Variants in FRMD5 observed in about 807,000 individuals in gnomAD.
FRMD5 encodes FERM domain-containing protein 5.
Under a neutral mutation model 69.0 loss-of-function variants are expected in FRMD5, and 20 were observed. That is an observed-to-expected ratio of 0.29 (90% confidence interval 0.20 to 0.42). The LOEUF is 0.42. FRMD5 is among the 10% of genes least tolerant of loss of function. FRMD5 has a pLI of 1.00. For synonymous variants in FRMD5, 271 were observed against 260.1 expected (o/e 1.04, Z -0.40); for missense variants, 595 against 708.6 (o/e 0.84, Z 1.82).
intron 1 of FRMD5, among the ~76,000 whole-genome samples, chr15:43,981,378 T>C (rs1282677879): frequency 1.3e-5 from 2 of 152,154 alleles, no homozygotes; most frequent in Non-Finnish European, 2.9e-5. Flanking sequence ...TTAGTGTAAA[T>C]GGATTATCAT....
intron 1 of FRMD5, among the ~76,000 whole-genome samples, chr15:43,955,952 G>T (rs886799795): frequency 2.6e-5 from 4 of 152,042 alleles, no homozygotes; most frequent in African/African-American, 9.7e-5. Context: ...AAAACATAAG[G>T]CTAAGTAACT....
chr15:44,170,908 T>G (rs1388515616), intron 1 of FRMD5, among the ~76,000 whole-genome samples: 3 of 152,246 alleles, frequency 2.0e-5, no homozygotes, highest in Non-Finnish European at 2.9e-5. Flanking sequence ...CAGTTTATTT[T>G]AAAATACTTC....
intron 1 of FRMD5, among the ~76,000 whole-genome samples, chr15:44,073,545 A>C (rs1312093936): frequency 6.6e-6 from 1 of 152,226 alleles, no homozygotes; most frequent in Non-Finnish European, 1.5e-5. Flanking sequence ...AATGCAAAAC[A>C]TCATGGACAT....
At chr15:44,128,792 T>G (rs1203567475) in intron 1 of FRMD5, among the ~76,000 whole-genome samples, 1 of 152,032 alleles carries the variant, frequency 6.6e-6, no homozygotes, top group Non-Finnish European at 1.5e-5. Flanking sequence ...GACTGAATTT[T>G]TAAGATTTGA....
intron 1 of FRMD5, among the ~76,000 whole-genome samples, chr15:44,056,690 G>A (rs1266050691): frequency 6.6e-6 from 1 of 152,076 alleles, no homozygotes; most frequent in Non-Finnish European, 1.5e-5. Context: ...CACTAGTTAA[G>A]GGGTCATCAT....
chr15:43,964,439 C>T (rs1280124766), intron 1 of FRMD5, among the ~76,000 whole-genome samples: 1 of 150,726 alleles, frequency 6.6e-6, no homozygotes, highest in Non-Finnish European at 1.5e-5. Flanking sequence ...CATGATTGTG[C>T]CACTGCACTC....
intron 8 of FRMD5, among the ~76,000 whole-genome samples, chr15:43,891,547 ACTGT>A (rs1306267956): frequency 2.0e-5 from 3 of 152,192 alleles, no homozygotes; most frequent in South Asian, 2.1e-4. Context: ...CCCAGAGGTC[ACTGT>A]CTGTGAGCCC....
intron 1 of FRMD5, among the ~76,000 whole-genome samples, chr15:44,188,365 G>A (rs1407087322): frequency 6.6e-6 from 1 of 152,138 alleles, no homozygotes; most frequent in Non-Finnish European, 1.5e-5. Flanking sequence ...TTAGAAATGT[G>A]AGATTCCTTC....
chr15:44,153,099 T>C (rs1171367321), intron 1 of FRMD5, among the ~76,000 whole-genome samples: 1 of 152,176 alleles, frequency 6.6e-6, no homozygotes, highest in Non-Finnish European at 1.5e-5. Flanking sequence ...GGAACTCTTA[T>C]GCACTATTGG....
At chr15:43,931,621 G>A (rs2089678087) in intron 1 of FRMD5, among the ~76,000 whole-genome samples, 1 of 151,010 alleles carries the variant, frequency 6.6e-6, no homozygotes, top group African/African-American at 2.4e-5. Context: ...ATGCATGTTT[G>A]GCAAAATCTG....
intron 1 of FRMD5, among the ~76,000 whole-genome samples, chr15:44,166,190 T>C (rs542172276): frequency 3.3e-5 from 5 of 152,326 alleles, no homozygotes; most frequent in South Asian, 2.1e-4. Context: ...TAAACATTTT[T>C]CACATGTTTA....
chr15:44,115,740 T>C (rs1267118104), intron 1 of FRMD5, among the ~76,000 whole-genome samples: 2 of 152,126 alleles, frequency 1.3e-5, no homozygotes, highest in Non-Finnish European at 2.9e-5. Context: ...AAAGAAAGCA[T>C]GTGGAATCAG....
At chr15:43,953,668 C>T (rs2090071724) in intron 1 of FRMD5, among the ~76,000 whole-genome samples, 1 of 152,158 alleles carries the variant, frequency 6.6e-6, no homozygotes, top group Non-Finnish European at 1.5e-5. Context: ...CAATAAAAAC[C>T]TCACACCTTA....
chr15:44,176,586 GAA>G (rs2077898822), intron 1 of FRMD5, among the ~76,000 whole-genome samples: 2 of 152,048 alleles, frequency 1.3e-5, no homozygotes, highest in Admixed American at 1.3e-4. Flanking sequence ...TCAAGAAAAT[GAA>G]AAGACAACTC....
chr15:43,906,183 G>C (rs1459649474), intron 5 of FRMD5, among the ~76,000 whole-genome samples: 1 of 152,238 alleles, frequency 6.6e-6, no homozygotes, highest in Admixed American at 6.5e-5. Flanking sequence ...TATGCAGAGA[G>C]ACAGAGAGCT....
At chr15:43,915,968 G>A (rs2089379252) in intron 4 of FRMD5, among the ~76,000 whole-genome samples, 2 of 152,200 alleles carry the variant, frequency 1.3e-5, no homozygotes, top group Non-Finnish European at 2.9e-5. Flanking sequence ...ATGTGAATGA[G>A]GAGAAAAATG....
At chr15:44,028,822 T>C (rs1891552471) in intron 1 of FRMD5, among the ~76,000 whole-genome samples, 1 of 152,164 alleles carries the variant, frequency 6.6e-6, no homozygotes, top group Non-Finnish European at 1.5e-5. Flanking sequence ...ATGGCCATCA[T>C]TTATGACACT....
chr15:43,989,090 T>A, intron 1 of FRMD5: 1 of 941,658 alleles, frequency 1.1e-6, no homozygotes, highest in Non-Finnish European at 1.7e-6. Context: ...ATGATGGAGG[T>A]GCCTGACTCA....
intron 1 of FRMD5, among the ~76,000 whole-genome samples, chr15:44,132,693 T>G (rs562360312): frequency 2.6e-5 from 4 of 152,008 alleles, no homozygotes; most frequent in Non-Finnish European, 2.9e-5. Flanking sequence ...CCTCCCAAAG[T>G]GCTGGACTTA....
Sources: gnomAD v4.1 joint callset for allele counts (sites outside exome capture counted in the v4.1 genomes callset) on GRCh38, gnomAD v4.1.1 for gene constraint, MANE v1.5 for transcripts, NCBI Gene and HGNC (gene_info 2026-07-23, HGNC 2026-07-21) for gene names.